Variants in CHST6 observed in about 807,000 individuals in gnomAD.
The protein encoded by CHST6 is N-acetylglucosamine 6-O-sulfotransferase 5.
For missense variants in CHST6, 698 were observed against 586.2 expected (o/e 1.19, Z -1.97); for synonymous variants, 309 against 276.4 (o/e 1.12, Z -1.17).
intron 2 of CHST6, among the ~76,000 whole-genome samples, chr16:75,480,246 C>CTGA (rs1349085801): frequency 6.6e-6 from 1 of 152,208 alleles, no homozygotes; most frequent in Non-Finnish European, 1.5e-5. Flanking sequence ...GGTTGTTGAA[C>CTGA]TGATGGGCGC....
chr16:75,486,548 T>G (rs1442900724), intron 1 of CHST6, among the ~76,000 whole-genome samples: 1 of 152,134 alleles, frequency 6.6e-6, no homozygotes, highest in African/African-American at 2.4e-5. Context: ...ACTATTGGCC[T>G]AGGAATGGGA....
intron 1 of CHST6, among the ~76,000 whole-genome samples, chr16:75,483,794 C>A (rs184904155): frequency 2.2e-4 from 34 of 152,162 alleles, no homozygotes; most frequent in Non-Finnish European, 1.5e-5. Context: ...GAGGCTGAGG[C>A]GGGTGAATTG....
intron 1 of CHST6, among the ~76,000 whole-genome samples, chr16:75,493,462 G>A (rs2080277832): frequency 6.7e-6 from 1 of 149,070 alleles, no homozygotes; most frequent in Non-Finnish European, 1.5e-5. Context: ...AGTGAGCCGA[G>A]ATTATGTCAC....
At position 75,472,314 on chromosome 16, in the gene CHST6, A is replaced by G. The variant is rs2080029128; in HGVS notation, c.*6327T>C. The G allele has an allele frequency of 6.6e-6, 1 of 152,168 alleles. No homozygotes were observed. Among genetic ancestry groups the G allele is most frequent in the African/African-American group, 2.4e-5 (1 of 41,432 alleles). The allele number at this position is 152,168 out of a possible 1,614,324, so 9.4% of individuals were successfully genotyped here. ...TTTTTTTTAAGAAGCCTGAGGGGAA[A>G]ATGCCATAAAGTAAGTTAACAAAAC... is the stretch of plus-strand genomic sequence containing the variant. On this transcript the variant is annotated 3_prime_UTR_variant, in exon 3 of 3. Coordinates refer to ENST00000332272, the MANE Select transcript of CHST6 (RefSeq NM_021615.5).
intron 1 of CHST6, among the ~76,000 whole-genome samples, chr16:75,494,696 G>A (rs1276685848): frequency 6.6e-6 from 1 of 152,186 alleles, no homozygotes. Context: ...GAGACAAAAG[G>A]GGTTCTCCCC....
Position 75,479,298 on chromosome 16 carries a change from G to C in CHST6, c.531C>G (p.Arg177=), listed in dbSNP as rs1281021965. The C allele has an allele frequency of 1.9e-6, 3 of 1,613,278 alleles. No individual in the cohort carries two copies. In the East Asian group the frequency reaches 6.7e-5, roughly 36 times the overall value. The change falls in exon 3 of 3, where the codon CGC becomes CGG. Residue 177 remains arginine (R), a synonymous_variant. Transcript: ENST00000332272. The stretch of plus-strand genomic sequence containing the variant: ...GGTAGAGCACCTGCAGGTTGAAGAA[G>C]CGCACCTCCTTGAGCACCACGTGGC... ...SYSHVVLKEV[R]FFNLQVLYPL...
At position 75,478,956 on chromosome 16, in the gene CHST6, A is replaced by T. The variant is rs1231899567; in HGVS notation, c.873T>A (p.Thr291=). ...CGAGCTGTGGCGTGAGACTGAGCCC[A>T]GTGAAGGCGTAGAGCGCACGGATTT... ...LAEIRALYAF[T]GLSLTPQLEA... Residue 291 remains threonine, a synonymous_variant, in exon 3 of 3, where the codon ACT becomes ACA. Transcript: ENST00000332272. 8 of 1,612,972 alleles carry T rather than the reference A, an allele frequency of 5.0e-6. No individual in the cohort carries two copies. The highest frequency in any genetic ancestry group is 4.2e-6 in the Non-Finnish European group (5 of 1,179,972).
intron 1 of CHST6, among the ~76,000 whole-genome samples, chr16:75,484,192 C>A (rs1222363326): frequency 6.6e-6 from 1 of 151,696 alleles, no homozygotes; most frequent in Non-Finnish European, 1.5e-5. Flanking sequence ...ATAAAAATAG[C>A]CAGGCATGAT....
intron 1 of CHST6, among the ~76,000 whole-genome samples, chr16:75,483,781 T>C (rs560124528): frequency 6.6e-6 from 1 of 152,038 alleles, no homozygotes; most frequent in East Asian, 1.9e-4. Flanking sequence ...TAGGGCACTT[T>C]GGGAGGCTGA....
Position 75,474,355 on chromosome 16 carries a change from G to T in CHST6, c.*4286C>A. Reference sequence around the variant, plus strand: ...ACTGGCATGATCATGGTTCAATGTAGCCTCAACCTCCCAGGGTCAAGCAGT... The same window carrying T: ...ACTGGCATGATCATGGTTCAATGTATCCTCAACCTCCCAGGGTCAAGCAGT... On this transcript the variant is annotated 3_prime_UTR_variant, in exon 3 of 3. Coordinates refer to ENST00000332272, the MANE Select transcript of CHST6 (RefSeq NM_021615.5). The T allele has an allele frequency of 2.8e-6, 1 of 361,944 alleles. No homozygotes were observed. The highest frequency in any genetic ancestry group is 4.9e-6 in the Non-Finnish European group (1 of 203,492). The allele number at this position is 361,944 out of a possible 1,614,324, so 22.4% of individuals were successfully genotyped here.
intron 1 of CHST6, among the ~76,000 whole-genome samples, chr16:75,485,053 A>C (rs1050323096): frequency 2.6e-5 from 4 of 152,142 alleles, no homozygotes; most frequent in African/African-American, 4.8e-5. Flanking sequence ...ATTCTGCTTT[A>C]AATTTCCAAC....
In CHST6 at chr16:75,480,156, T is replaced by C. The variant is rs561382067; in HGVS notation, c.-16-312A>G. 2.0e-5 allele frequency among the ~76,000 whole-genome samples: 3 copies of C among 152,294 alleles called. No individual in the cohort carries two copies. In the South Asian group the frequency reaches 6.2e-4, roughly 32 times the overall value. ...TTAGTTCTACCTACCCACATTACCA[T>C]TGTCTATTTGGAGAGGGAAATATAT... On this transcript the variant is annotated intron_variant, in intron 2 of 2. Transcript: ENST00000332272.
chr16:75,490,350 T>C (rs1007121641), intron 1 of CHST6, among the ~76,000 whole-genome samples: 2 of 151,430 alleles, frequency 1.3e-5, no homozygotes, highest in African/African-American at 4.9e-5. Flanking sequence ...TGGTGGCGCA[T>C]GCCTGTAAAC....
chr16:75,490,744 C>T (rs1313795840), intron 1 of CHST6: 2 of 152,016 alleles, frequency 1.3e-5, no homozygotes, highest in African/African-American at 4.8e-5. Flanking sequence ...ACAGCAGATC[C>T]ACTCCTGGGT....
At chr16:75,482,962 A>G (rs1419837447) in intron 1 of CHST6, among the ~76,000 whole-genome samples, 1 of 152,240 alleles carries the variant, frequency 6.6e-6, no homozygotes, top group Non-Finnish European at 1.5e-5. Flanking sequence ...ACGCTCCTCC[A>G]GTGCCAGTGG....
At position 75,479,005 on chromosome 16, in the gene CHST6, T is replaced by G; in HGVS notation, c.824A>C (p.Asp275Ala). 6.2e-7 allele frequency: 1 copy of G among 1,611,900 alleles called. No homozygotes were observed. Among genetic ancestry groups the G allele is most frequent in the Non-Finnish European group, 8.5e-7 (1 of 1,179,918 alleles). ...TTCTGCCAGCGGCTCCCGCGCCAGG[T>G]CCTCGAAGCGCACCAGGCGGTAGCG... is the stretch of plus-strand genomic sequence containing the variant. Reference protein sequence around the residue: ...RGRYRLVRFEDLAREPLAEIR... With the variant: ...RGRYRLVRFEALAREPLAEIR... Residue 275 changes from aspartate to alanine, a missense_variant, in exon 3 of 3, where the codon GAC (aspartate) becomes GCC (alanine). By Grantham distance (126) the Asp-to-Ala change is moderately radical. Coordinates refer to ENST00000332272, the MANE Select transcript of CHST6 (RefSeq NM_021615.5).
At chr16:75,490,651 T>C (rs2080244102) in intron 1 of CHST6, 1 of 152,074 alleles carries the variant, frequency 6.6e-6, no homozygotes, top group Non-Finnish European at 1.5e-5. Flanking sequence ...GGGATCCTCA[T>C]AAAATGGGGA....
In CHST6 at chr16:75,478,844, C is replaced by G. The variant is rs758259312; in HGVS notation, c.985G>C (p.Val329Leu). 1 of 1,613,464 alleles carries G rather than the reference C, an allele frequency of 6.2e-7. No individual in the cohort carries two copies. Among genetic ancestry groups the G allele is most frequent in the Non-Finnish European group, 8.5e-7 (1 of 1,179,978 alleles). Reference protein sequence around the residue: ...FKTSSRNALNVSQAWRHALPF... With the variant: ...FKTSSRNALNLSQAWRHALPF... ...AGCGCATGGCGCCAGGCCTGGGAGA[C>G]GTTGAGCGCATTCCTGGACGAAGTC... Residue 329 changes from valine (V) to leucine (L), a missense_variant, in exon 3 of 3, where the codon GTC (valine) becomes CTC (leucine). Physicochemically the swap from Val to Leu is conservative, Grantham distance 32. Transcript: ENST00000332272.
At chr16:75,493,380 G>A (rs537907983) in intron 1 of CHST6, among the ~76,000 whole-genome samples, 3 of 152,050 alleles carry the variant, frequency 2.0e-5, no homozygotes, top group East Asian at 3.9e-4. Context: ...GTGGTGGCGG[G>A]TGCCTGTAAT....
Sources: gnomAD v4.1 joint callset for allele counts (sites outside exome capture counted in the v4.1 genomes callset) on GRCh38, gnomAD v4.1.1 for gene constraint, MANE v1.5 for transcripts, NCBI Gene and HGNC (gene_info 2026-07-23, HGNC 2026-07-21) for gene names.